The following ARRB1 variants were observed in gnomAD, a reference collection of about 807,000 sequenced individuals.
ARRB1 encodes the protein beta-arrestin-1.
A neutral mutation model predicts 56.8 loss-of-function variants in ARRB1; 21 were observed. The observed-to-expected ratio is 0.37, with a 90% confidence interval of 0.26 to 0.53. The LOEUF (loss-of-function observed/expected upper bound fraction) is 0.53, where lower values mean the gene tolerates loss of function less well. ARRB1 is among the 20% of genes least tolerant of loss of function. The pLI is 0.88. For synonymous variants in ARRB1, 210 were observed against 218.6 expected (o/e 0.96, Z 0.35); for missense variants, 424 against 553.7 (o/e 0.77, Z 2.35).
intron 1 of ARRB1, among the ~76,000 whole-genome samples, 157 bp from the exon 2 acceptor site, chr11:75,290,196 T>G (rs1946575282): frequency 6.6e-6 from 1 of 152,244 alleles, no homozygotes; most frequent in Admixed American, 6.5e-5. Flanking sequence ...TAATCCGCTC[T>G]TACCATCTCC....
chr11:75,319,113 G>C (rs1276774332), intron 1 of ARRB1, among the ~76,000 whole-genome samples: 2 of 152,164 alleles, frequency 1.3e-5, no homozygotes, highest in African/African-American at 2.4e-5. Flanking sequence ...ACTGAACCTG[G>C]TTCTATCTAT....
intron 1 of ARRB1, among the ~76,000 whole-genome samples, chr11:75,292,611 G>T (rs1157586561): frequency 6.6e-6 from 1 of 152,166 alleles, no homozygotes; most frequent in Non-Finnish European, 1.5e-5. Flanking sequence ...GGCCACAAGG[G>T]ACTCCACCTG....
intron 1 of ARRB1, among the ~76,000 whole-genome samples, chr11:75,329,683 G>C (rs1488065394): frequency 6.6e-6 from 1 of 152,106 alleles, no homozygotes; most frequent in African/African-American, 2.4e-5. Flanking sequence ...ATTCCATGTG[G>C]GGACGAACAG....
At chr11:75,311,139 C>G (rs1028628824) in intron 1 of ARRB1, among the ~76,000 whole-genome samples, 4 of 152,124 alleles carry the variant, frequency 2.6e-5, no homozygotes, top group African/African-American at 9.7e-5. Context: ...GAATTCGAGA[C>G]CAGCCTGACC....
chr11:75,282,550 A>G (rs1396472162), intron 5 of ARRB1, among the ~76,000 whole-genome samples: 1 of 152,184 alleles, frequency 6.6e-6, no homozygotes, highest in Non-Finnish European at 1.5e-5. Flanking sequence ...AAGGAAAGCA[A>G]TGCTGGAAAA....
Position 75,272,878 on chromosome 11 carries a change from T to C in ARRB1, c.998+17A>G. The C allele has an allele frequency of 6.2e-7, 1 of 1,613,712 alleles. No individual in the cohort carries two copies. Among genetic ancestry groups the C allele is most frequent in the Non-Finnish European group, 8.5e-7 (1 of 1,179,772 alleles). Reference sequence around the variant, plus strand: ...CCCTCTGCACTCCGGGGTCTTGGGCTTGGCTGGAGCACTCACCCGCCCCGA... The same window carrying C: ...CCCTCTGCACTCCGGGGTCTTGGGCCTGGCTGGAGCACTCACCCGCCCCGA... On this transcript the variant is annotated intron_variant, in intron 12 of 15. Transcript: ENST00000420843.
At chr11:75,285,078 C>T (rs772832544) in intron 3 of ARRB1, among the ~76,000 whole-genome samples, 1 of 152,164 alleles carries the variant, frequency 6.6e-6, no homozygotes, top group Non-Finnish European at 1.5e-5. Flanking sequence ...CAGTTTGGGT[C>T]AGGTTTGCCA....
rs375117589 is a variant in ARRB1 at position 75,340,783 on chromosome 11, C to G, written c.20+10805G>C. ...AGGGGTGAGGGTTAAGAAAGAGGAG[C>G]CTGGGGCCAGGATGCCAAGGGACTT... On this transcript the variant is annotated intron_variant, in intron 1 of 15. Coordinates refer to ENST00000420843, the MANE Select transcript of ARRB1 (RefSeq NM_004041.5). 5.9e-5 allele frequency among the ~76,000 whole-genome samples: 9 copies of G among 152,260 alleles called. No homozygotes were observed. The East Asian group carries it at 1.2e-3, about 20-fold the overall frequency.
chr11:75,296,143 A>T (rs1591937536), intron 1 of ARRB1, among the ~76,000 whole-genome samples: 1 of 143,378 alleles, frequency 7.0e-6, no homozygotes, highest in Non-Finnish European at 1.5e-5. Flanking sequence ...CTGAGATCGC[A>T]CCACTGCACT....
intron 1 of ARRB1, among the ~76,000 whole-genome samples, chr11:75,339,608 A>C (rs771398026): frequency 6.6e-6 from 1 of 152,176 alleles, no homozygotes; most frequent in Non-Finnish European, 1.5e-5. Flanking sequence ...GTGAGTCCCT[A>C]CTTCTGGGGA....
chr11:75,349,851 G>A (rs759309844), intron 1 of ARRB1, among the ~76,000 whole-genome samples: 1 of 152,344 alleles, frequency 6.6e-6, no homozygotes, highest in African/African-American at 2.4e-5. Context: ...CAAAGCCTGG[G>A]CCTCCAGCAC....
chr11:75,305,018 C>CTTTTT (rs35323331), intron 1 of ARRB1, among the ~76,000 whole-genome samples: 1,425 of 86,758 alleles, frequency 0.016, 3 homozygotes, highest in Middle Eastern at 0.025. Context: ...TTCTTTCTTT[C>CTTTTT]TTTTTTTTTT....
chr11:75,347,925 C>A (rs1219062138), intron 1 of ARRB1, among the ~76,000 whole-genome samples: 1 of 152,146 alleles, frequency 6.6e-6, no homozygotes, highest in Non-Finnish European at 1.5e-5. Flanking sequence ...AGCTCACAGC[C>A]TTAGTTCTCA....
chr11:75,314,403 G>A (rs935666388), intron 1 of ARRB1, among the ~76,000 whole-genome samples: 2 of 152,248 alleles, frequency 1.3e-5, no homozygotes, highest in Non-Finnish European at 2.9e-5. Flanking sequence ...GCAGACCCCA[G>A]GACACTGGAG....
chr11:75,326,338 T>A (rs1295331116), intron 1 of ARRB1, among the ~76,000 whole-genome samples: 2 of 152,220 alleles, frequency 1.3e-5, no homozygotes, highest in Non-Finnish European at 2.9e-5. Flanking sequence ...AAAATGTGAA[T>A]GAGTGATAAC....
intron 1 of ARRB1, among the ~76,000 whole-genome samples, chr11:75,344,872 G>C (rs1947742396): frequency 6.6e-6 from 1 of 152,174 alleles, no homozygotes; most frequent in African/African-American, 2.4e-5. Context: ...AAGTGAGTTG[G>C]TTGTGGGCTA....
chr11:75,306,724 G>A lies in ARRB1; in HGVS notation c.21-16685C>T, dbSNP rs1947041431. ...TCAGCTCTCCCCAGCCCCAAGTGAG[G>A]GGTTAGTTACAAAGAAAAGGAAAAG... On this transcript the variant is annotated intron_variant, in intron 1 of 15. Coordinates refer to ENST00000420843, the MANE Select transcript of ARRB1 (RefSeq NM_004041.5). 2.5e-6 allele frequency: 3 copies of A among 1,212,086 alleles called. No individual in the cohort carries two copies. The South Asian group carries it at 4.2e-5, about 17-fold the overall frequency. 75.1% of individuals were successfully genotyped at this position (1,212,086 alleles called of 1,614,324 possible). A position where few individuals can be genotyped will look rare whatever the true frequency, so the allele number is the denominator to read the frequency against.
chr11:75,282,191 TAAA>T, intron 5 of ARRB1, 170 bp from the exon 6 acceptor site: 1 of 616,228 alleles, frequency 1.6e-6, no homozygotes, highest in Non-Finnish European at 2.9e-6. Flanking sequence ...ACTCTTTAGA[TAAA>T]GAGCTTTCTT....
chr11:75,267,598 A>ACCCCCCCCCCCCCCCCCCCC, intron 15 of ARRB1, 54 bp downstream of exon 15: 1 of 1,419,702 alleles, frequency 7.0e-7, no homozygotes, highest in Non-Finnish European at 9.9e-7. Flanking sequence ...GACCCCCTCC[A>ACCCCCCCCCCCCCCCCCCCC]CCCCGCCCAC....
Sources: gnomAD v4.1 joint callset for allele counts (sites outside exome capture counted in the v4.1 genomes callset) on GRCh38, gnomAD v4.1.1 for gene constraint, MANE v1.5 for transcripts, NCBI Gene and HGNC (gene_info 2026-07-23, HGNC 2026-07-21) for gene names.